The following PTPN14 variants were observed in gnomAD, a reference collection of about 807,000 sequenced individuals.
PTPN14 encodes tyrosine-protein phosphatase non-receptor type 14.
Under a neutral mutation model 126.8 loss-of-function variants are expected in PTPN14, and 53 were observed. The ratio of observed to expected loss-of-function variants is 0.42; its 90% CI spans 0.34 to 0.53. The LOEUF is 0.53. Ranked by LOEUF, PTPN14 falls within the 20% of genes least tolerant of loss-of-function variation. PTPN14 has a pLI of 0.08. For missense variants in PTPN14, 1,257 were observed against 1,552.9 expected (o/e 0.81, Z 3.20); for synonymous variants, 630 against 599.3 (o/e 1.05, Z -0.75).
intron 17 of PTPN14, among the ~76,000 whole-genome samples, chr1:214,369,140 T>C (rs975661440): frequency 6.6e-6 from 1 of 152,206 alleles, no homozygotes; most frequent in African/African-American, 2.4e-5. Context: ...CTCAGCATCA[T>C]TCCTCAAAGT....
chr1:214,541,537 A>C (rs1319841747), intron 1 of PTPN14, among the ~76,000 whole-genome samples: 1 of 152,158 alleles, frequency 6.6e-6, no homozygotes, highest in Non-Finnish European at 1.5e-5. Flanking sequence ...GTGGAAGTCA[A>C]CCAGGCCAAT....
intron 1 of PTPN14, among the ~76,000 whole-genome samples, chr1:214,502,277 G>GA (rs1248923530): frequency 1.3e-5 from 2 of 151,956 alleles, no homozygotes; most frequent in African/African-American, 4.8e-5. Flanking sequence ...GGGTCATTTT[G>GA]AAAAAGTTTT....
intron 18 of PTPN14, among the ~76,000 whole-genome samples, chr1:214,358,574 T>C (rs1427929482): frequency 6.6e-6 from 1 of 152,170 alleles, no homozygotes; most frequent in Non-Finnish European, 1.5e-5. Flanking sequence ...ATCTGTAAAA[T>C]CAGGATAATA....
chr1:214,398,595 C>A (rs1658940832), intron 7 of PTPN14, among the ~76,000 whole-genome samples: 1 of 146,470 alleles, frequency 6.8e-6, no homozygotes, highest in Non-Finnish European at 1.5e-5. Flanking sequence ...TACAAGCATG[C>A]ACCACCATGC....
intron 5 of PTPN14, among the ~76,000 whole-genome samples, chr1:214,411,083 G>T (rs1378090708): frequency 6.6e-6 from 1 of 152,072 alleles, no homozygotes; most frequent in Non-Finnish European, 1.5e-5. Flanking sequence ...CGAAGATGGG[G>T]TATCTTTCCA....
At chr1:214,476,110 C>T (rs921397272) in intron 1 of PTPN14, among the ~76,000 whole-genome samples, 2 of 152,188 alleles carry the variant, frequency 1.3e-5, no homozygotes, top group Non-Finnish European at 2.9e-5. Flanking sequence ...AAGCTCTATC[C>T]AGAAGGCATG....
At chr1:214,362,457 A>G (rs1304434799) in intron 18 of PTPN14, among the ~76,000 whole-genome samples, 2 of 152,212 alleles carry the variant, frequency 1.3e-5, no homozygotes, top group African/African-American at 2.4e-5. Flanking sequence ...AACCACCCTG[A>G]GCCTTCACCA....
intron 1 of PTPN14, among the ~76,000 whole-genome samples, chr1:214,539,857 C>T (rs1195000800): frequency 1.3e-5 from 2 of 151,760 alleles, no homozygotes; most frequent in African/African-American, 2.4e-5. Flanking sequence ...ACTCAGAAAA[C>T]GTGCCTCATT....
chr1:214,431,247 C>T (rs1228919965), intron 3 of PTPN14, among the ~76,000 whole-genome samples: 1 of 152,006 alleles, frequency 6.6e-6, no homozygotes, highest in Non-Finnish European at 1.5e-5. Context: ...GTATTTTTGA[C>T]AAAGGAAGGA....
Position 214,364,531 on chromosome 1 carries a change from T to G in PTPN14, c.3416A>C (p.Tyr1139Ser). Residue 1139 changes from tyrosine to serine, a missense_variant, in exon 18 of 19, where the codon TAC (tyrosine) becomes TCC (serine). By Grantham distance (144) the Tyr-to-Ser change is moderately radical. This residue lies in a region of PTPN14 where 171 missense variants were observed against 229.8 expected (regional missense o/e 0.74). Transcript: ENST00000366956. This position sits in a 1 kb window ranked among gnomAD's most constrained non-coding sequence, Gnocchi z 4.1. ...ACTCACTTCGTTATGTTCCAAGCAGTAGATCATCAGCTCAGAAAGAATGAG... is the reference window on the plus strand; with the variant it reads ...ACTCACTTCGTTATGTTCCAAGCAGGAGATCATCAGCTCAGAAAGAATGAG... ...GVLILSELMIYCLEHNEKVEV... is the reference protein window; with the variant it reads ...GVLILSELMISCLEHNEKVEV... 1.2e-6 allele frequency: 2 copies of G among 1,614,068 alleles called. No homozygotes were observed.
At chr1:214,523,684 C>T (rs539235300) in intron 1 of PTPN14, among the ~76,000 whole-genome samples, 5 of 152,272 alleles carry the variant, frequency 3.3e-5, no homozygotes, top group South Asian at 4.1e-4. Context: ...ACCCCACTTC[C>T]GGAGGTATCT....
intron 3 of PTPN14, among the ~76,000 whole-genome samples, chr1:214,433,760 G>C (rs948793940): frequency 4.0e-5 from 6 of 151,896 alleles, no homozygotes; most frequent in African/African-American, 1.2e-4. Context: ...ATAAAATGTG[G>C]GTAAATGGTA....
chr1:214,380,627 T>C (rs967242776), intron 13 of PTPN14, among the ~76,000 whole-genome samples: 2 of 152,164 alleles, frequency 1.3e-5, no homozygotes, highest in Non-Finnish European at 2.9e-5. Flanking sequence ...TCACCATACC[T>C]GCACACCCCG....
At chr1:214,520,458 A>G (rs1655228152) in intron 1 of PTPN14, among the ~76,000 whole-genome samples, 1 of 152,234 alleles carries the variant, frequency 6.6e-6, no homozygotes, top group African/African-American at 2.4e-5. Context: ...GATTCAAGAA[A>G]GTTACACAAA....
chr1:214,439,049 TTTCCCCCTAC>T (rs1388197111), intron 3 of PTPN14, among the ~76,000 whole-genome samples: 2 of 152,208 alleles, frequency 1.3e-5, no homozygotes, highest in African/African-American at 4.8e-5. Context: ...TTTTCCTTTT[TTTCCCCCTAC>T]TTCCCACATT....
intron 3 of PTPN14, among the ~76,000 whole-genome samples, chr1:214,422,059 C>T (rs900495222): frequency 2.0e-5 from 3 of 151,986 alleles, no homozygotes; most frequent in Non-Finnish European, 4.4e-5. Flanking sequence ...GACAGAGAGA[C>T]AAAGACAGAA....
chr1:214,398,087 A>G, intron 7 of PTPN14, 86 bp from the exon 8 acceptor site: 1 of 1,075,168 alleles, frequency 9.3e-7, no homozygotes, highest in Non-Finnish European at 1.4e-6. Context: ...AATCGACCTG[A>G]GTGTCCATCC....
At chr1:214,428,086 T>A (rs11120321) in intron 3 of PTPN14, among the ~76,000 whole-genome samples, 139,144 of 152,228 alleles carry the variant, frequency 0.91, 63,683 homozygotes, top group African/African-American at 0.95. Context: ...GCACCCATTT[T>A]ACAAGATGGT....
rs534403273 is a variant in PTPN14, at chr1:214,351,860, T to C, written c.*6062A>G. ...AGGGAGTAGGAGAGGCATTCCAGAGTTCAGAAAATTATTTGTGAAACAGAG... is the reference window on the plus strand; with the variant it reads ...AGGGAGTAGGAGAGGCATTCCAGAGCTCAGAAAATTATTTGTGAAACAGAG... On this transcript the variant is annotated 3_prime_UTR_variant, in exon 19 of 19. Transcript: ENST00000366956. 1 of 152,186 alleles carries C rather than the reference T, an allele frequency of 6.6e-6. No individual in the cohort carries two copies. The highest frequency in any genetic ancestry group is 2.4e-5 in the African/African-American group (1 of 41,514). 9.4% of individuals were successfully genotyped at this position (152,186 alleles called of 1,614,324 possible). A position where few individuals can be genotyped will look rare whatever the true frequency, so the allele number is the denominator to read the frequency against.
Sources: gnomAD v4.1 joint callset for allele counts (sites outside exome capture counted in the v4.1 genomes callset) on GRCh38, gnomAD v4.1.1 for gene constraint, gnomAD v4.1.1 regional missense constraint, Gnocchi (gnomAD v3.1) non-coding constraint, MANE v1.5 for transcripts, NCBI Gene and HGNC (gene_info 2026-07-23, HGNC 2026-07-21) for gene names.